MTHFD1: variants seen among roughly 807,000 people sequenced by gnomAD.
MTHFD1 encodes the protein methylenetetrahydrofolate dehydrogenase, cyclohydrolase and formyltetrahydrofolate synthetase 1, also known as C-1-tetrahydrofolate synthase, cytoplasmic.
MTHFD1 carries 44 observed loss-of-function variants against 110.3 expected under a neutral mutation model. That is an observed-to-expected ratio of 0.40 (90% CI 0.31 to 0.51). MTHFD1 has a LOEUF of 0.51. Ranked by LOEUF, MTHFD1 falls within the 20% of genes least tolerant of loss-of-function variation. The pLI is 0.60. For synonymous variants in MTHFD1, 402 were observed against 428.8 expected, an observed-to-expected ratio of 0.94 and a Z score of 0.77; for missense variants, 909 against 1,173.1, an observed-to-expected ratio of 0.77 and a Z score of 3.29.
intron 4 of MTHFD1, among the ~76,000 whole-genome samples, chr14:64,414,157 G>T (rs374551059): frequency 2.0e-5 from 3 of 152,014 alleles, no homozygotes; most frequent in African/African-American, 7.3e-5. Flanking sequence ...ACCACGCCCA[G>T]CTAATTTTTG....
In MTHFD1 at chr14:64,454,944, A is replaced by G. The variant is rs552111905; in HGVS notation, c.2718+69A>G. 1.0e-4 allele frequency: 157 copies of G among 1,516,022 alleles called. 1 individual carries two copies. In the South Asian group the frequency reaches 1.6e-3, roughly 16 times the overall value. The allele number at this position is 1,516,022 out of a possible 1,614,324, so 93.9% of individuals were successfully genotyped here. A position where few individuals can be genotyped will look rare whatever the true frequency, so the allele number is the denominator to read the frequency against. ...TCGTCTGAAGTGTGTTGCCGAAACC[A>G]TCAAGCAAATGCCAAGTGAGCAGAG... is the stretch of plus-strand genomic sequence containing the variant. On this transcript the variant is annotated intron_variant, in intron 26 of 27. Transcript: ENST00000652337.
chr14:64,433,060 C>T (rs2078172684), intron 15 of MTHFD1, among the ~76,000 whole-genome samples: 1 of 151,948 alleles, frequency 6.6e-6, no homozygotes. Flanking sequence ...CCACGTCTGG[C>T]CACAAGGGAT....
At chr14:64,437,271 CTGCTTCACCAA>C (rs1180395866) in intron 16 of MTHFD1, among the ~76,000 whole-genome samples, 2 of 152,038 alleles carry the variant, frequency 1.3e-5, no homozygotes, top group African/African-American at 2.4e-5. Context: ...CATCCTTACA[CTGCTTCACCAA>C]TCTCTAAGAT....
chr14:64,438,778 A>C (rs1309122754), intron 16 of MTHFD1, among the ~76,000 whole-genome samples: 1 of 152,204 alleles, frequency 6.6e-6, no homozygotes, highest in African/African-American at 2.4e-5. Context: ...CTTTTGAAAA[A>C]ATGTAGACTG....
chr14:64,437,158 TG>T (rs759166001), intron 16 of MTHFD1, among the ~76,000 whole-genome samples: 6 of 152,254 alleles, frequency 3.9e-5, no homozygotes, highest in Non-Finnish European at 7.3e-5. Flanking sequence ...TTTGTGTGTG[TG>T]TGTGTTTTTA....
At chr14:64,448,972 T>A in intron 23 of MTHFD1, 1 of 229,126 alleles carries the variant, frequency 4.4e-6, no homozygotes, top group Non-Finnish European at 8.7e-6. Flanking sequence ...GCTAATTTTT[T>A]GTATTTTTAG....
chr14:64,437,416 G>A (rs780565407), intron 16 of MTHFD1, among the ~76,000 whole-genome samples: 37 of 152,168 alleles, frequency 2.4e-4, no homozygotes, highest in Middle Eastern at 3.4e-3. Flanking sequence ...GGCAACTCCT[G>A]TTTCCTCTCT....
At chr14:64,442,222 G>C (rs1273137711) in intron 20 of MTHFD1, 41 bp from the exon 21 acceptor site, 1 of 1,614,198 alleles carries the variant, frequency 6.2e-7, no homozygotes, top group Non-Finnish European at 8.5e-7. Flanking sequence ...AACATCAGGG[G>C]AATTGGGATG....
At chr14:64,440,336 T>C (rs1226187865) in intron 18 of MTHFD1, 70 bp downstream of exon 18, 4 of 1,571,892 alleles carry the variant, frequency 2.5e-6, no homozygotes, top group Non-Finnish European at 3.5e-6. Context: ...TCAGCAGTTA[T>C]TAATAACAAA....
At chr14:64,425,692 C>A (rs2078113272) in intron 9 of MTHFD1, 38 bp from the exon 10 acceptor site, 1 of 1,533,290 alleles carries the variant, frequency 6.5e-7, no homozygotes, top group East Asian at 2.2e-5. Context: ...ATTAAAATAA[C>A]CACCTCTTCT....
Position 64,425,798 on chromosome 14 carries a change from C to T in MTHFD1, c.924C>T (p.Asn308=). The T allele has an allele frequency of 6.2e-7, 1 of 1,613,866 alleles. No individual in the cohort carries two copies. Among genetic ancestry groups the T allele is most frequent in the South Asian group, 1.1e-5 (1 of 91,074 alleles). ...FKPGKWMIQY[N]NLNLKTPVPS... ...CAGGAAAGTGGATGATTCAGTATAA[C>T]AACCTTAACCTCAAGACACCTGTTC... Residue 308 remains asparagine (N), a synonymous_variant, in exon 10 of 28, where the codon AAC becomes AAT. Coordinates refer to ENST00000652337, the MANE Select transcript of MTHFD1 (RefSeq NM_005956.4).
intron 26 of MTHFD1, among the ~76,000 whole-genome samples, chr14:64,455,617 C>G (rs1484118400): frequency 2.6e-5 from 4 of 152,180 alleles, no homozygotes; most frequent in African/African-American, 4.8e-5. Context: ...CCATGCAATA[C>G]AGGACTGAAA....
At position 64,441,451 on chromosome 14, in the gene MTHFD1, G is replaced by C; in HGVS notation, c.1882G>C (p.Glu628Gln). 1.2e-6 allele frequency: 2 copies of C among 1,613,982 alleles called. No individual in the cohort carries two copies. Among genetic ancestry groups the C allele is most frequent in the Non-Finnish European group, 1.7e-6 (2 of 1,179,910 alleles). ...CAAGCCCAATCTCATGCAGACACTG[G>C]AGGTGAGCAGAGTGACTCCTGCCTT... ...AIKPNLMQTL[E>Q]GTPVFVHAGP... Residue 628 changes from glutamate to glutamine, a missense_variant and splice_region_variant, in exon 19 of 28, where the codon GAG (glutamate) becomes CAG (glutamine). By Grantham distance (29) the Glu-to-Gln change is conservative. Transcript: ENST00000652337.
Position 64,417,910 on chromosome 14 carries a change from T to C in MTHFD1, c.501T>C (p.His167=), listed in dbSNP as rs1374755950. 1 of 1,613,034 alleles carries C rather than the reference T, an allele frequency of 6.2e-7. No homozygotes were observed. The highest frequency in any genetic ancestry group is 2.2e-5 in the East Asian group (1 of 44,880). ...KETGVPIAGR[H]AVVVGRSKIV... Reference sequence around the variant, plus strand: ...CAGGGGTGCCGATTGCCGGAAGGCATGCTGTGGTGGTTGGGCGCAGTAAAA... The same window carrying C: ...CAGGGGTGCCGATTGCCGGAAGGCACGCTGTGGTGGTTGGGCGCAGTAAAA... Residue 167 remains histidine, a synonymous_variant, in exon 7 of 28, where the codon CAT becomes CAC. Transcript: ENST00000652337. This position sits in a 1 kb window ranked among gnomAD's most constrained non-coding sequence, Gnocchi z 4.4.
In MTHFD1 at chr14:64,425,672, T is replaced by C. The variant is rs575920299; in HGVS notation, c.856-58T>C. 1.5e-5 allele frequency: 21 copies of C among 1,390,032 alleles called. No individual in the cohort carries two copies. In the Admixed American group the frequency reaches 3.3e-4, roughly 22 times the overall value. 86.1% of individuals were successfully genotyped at this position (1,390,032 alleles called of 1,614,324 possible). ...ACTGGAGTGACCTGGAGCTTGAAAC[T>C]GAGGTGAGGATTAAAATAACCACCT... On this transcript the variant is annotated intron_variant, in intron 9 of 27. Coordinates refer to ENST00000652337, the MANE Select transcript of MTHFD1 (RefSeq NM_005956.4).
At chr14:64,449,089 G>A (rs548719504) in intron 23 of MTHFD1, 17 of 353,526 alleles carry the variant, frequency 4.8e-5, no homozygotes, top group East Asian at 7.1e-5. Context: ...GTGAGCCACC[G>A]CGCCCAGCCA....
chr14:64,409,870 C>T (rs2077968441), intron 2 of MTHFD1, among the ~76,000 whole-genome samples: 1 of 152,146 alleles, frequency 6.6e-6, no homozygotes, highest in African/African-American at 2.4e-5. Context: ...ATGACAAGCT[C>T]AGAAAATCCT....
chr14:64,421,785 G>A (rs370990510), intron 8 of MTHFD1, among the ~76,000 whole-genome samples: 270 of 151,864 alleles, frequency 1.8e-3, no homozygotes, highest in East Asian at 8.9e-3. Flanking sequence ...CACCACGCCC[G>A]GCTAATTTTT....
At chr14:64,389,240 T>C (rs2077786124) in intron 1 of MTHFD1, 1 of 152,244 alleles carries the variant, frequency 6.6e-6, no homozygotes, top group Non-Finnish European at 1.5e-5. Context: ...ATATTCCCTC[T>C]AGTAGATGAA....
Sources: gnomAD v4.1 joint callset for allele counts (sites outside exome capture counted in the v4.1 genomes callset) on GRCh38, gnomAD v4.1.1 for gene constraint, Gnocchi (gnomAD v3.1) non-coding constraint, MANE v1.5 for transcripts, NCBI Gene and HGNC (gene_info 2026-07-23, HGNC 2026-07-21) for gene names.